OSGEP: variants seen among roughly 807,000 people sequenced by gnomAD.
OSGEP encodes the protein tRNA N6-adenosine threonylcarbamoyltransferase.
Under a neutral mutation model 44.1 loss-of-function variants are expected in OSGEP, and 39 were observed. The ratio of observed to expected loss-of-function variants is 0.88; its 90% confidence interval spans 0.69 to 1.16. The LOEUF (loss-of-function observed/expected upper bound fraction) is 1.16. Ranked by LOEUF, OSGEP falls within the 50% of genes most tolerant of loss-of-function variation. The pLI is 0.00. For missense variants in OSGEP, 403 were observed against 443.1 expected, an observed-to-expected ratio of 0.91 and a Z score of 0.81; for synonymous variants, 139 against 161.9, an observed-to-expected ratio of 0.86 and a Z score of 1.07.
chr14:20,452,089 A>C lies in OSGEP; in HGVS notation c.296T>G (p.Leu99Arg). 1 of 1,613,976 alleles carries C rather than the reference A, an allele frequency of 6.2e-7. No homozygotes were observed. Among genetic ancestry groups the C allele is most frequent in the Non-Finnish European group, 8.5e-7 (1 of 1,179,988 alleles). Residue 99 changes from leucine (L) to arginine (R), a missense_variant, in exon 3 of 11, where the codon CTG (leucine) becomes CGG (arginine). Physicochemically the swap from Leu to Arg is moderately radical, Grantham distance 102. Coordinates refer to ENST00000206542, the MANE Select transcript of OSGEP (RefSeq NM_017807.4). ...CACACCCACCAATGGCTTATTCCAC[A>C]GTTGGGCCACAGTACGGGCCACAAC... ...VAVVARTVAQLWNKPLVGVNH... is the reference protein window; with the variant it reads ...VAVVARTVAQRWNKPLVGVNH...
rs767990074 is a variant in OSGEP at position 20,447,932 on chromosome 14, C to T, written c.765G>A (p.Gln255=). The T allele has an allele frequency of 1.2e-6, 2 of 1,613,268 alleles. No individual in the cohort carries two copies. Among genetic ancestry groups the T allele is most frequent in the African/African-American group, 2.7e-5 (2 of 74,910 alleles). Reference sequence around the variant, plus strand: ...CCACTCCTCCCACAATGAGGGCCTCCTGGGAGCCACAATGTGCCATGGCTC... The same window carrying T: ...CCACTCCTCCCACAATGAGGGCCTCTTGGGAGCCACAATGTGCCATGGCTC... ...TERAMAHCGS[Q]EALIVGGVGC... is the part of the protein sequence containing the mutation. Residue 255 remains glutamine, a synonymous_variant, in exon 8 of 11, where the codon CAG becomes CAA. Coordinates refer to ENST00000206542, the MANE Select transcript of OSGEP (RefSeq NM_017807.4).
At chr14:20,448,681 T>C (rs1239567748) in intron 6 of OSGEP, 52 bp downstream of exon 6, 6 of 1,237,142 alleles carry the variant, frequency 4.8e-6, no homozygotes, top group Non-Finnish European at 7.2e-6. Context: ...AAAACAGATA[T>C]GCTTCATTTA....
At position 20,449,004 on chromosome 14, in the gene OSGEP, C is replaced by T. The variant is rs575185404; in HGVS notation, c.517G>A (p.Asp173Asn). 2.4e-5 allele frequency: 38 copies of T among 1,613,640 alleles called. No homozygotes were observed. Among genetic ancestry groups the T allele is most frequent in the Non-Finnish European group, 3.1e-5 (36 of 1,179,812 alleles). ...TCAATGTTGTATCCTGGACTTGGGT[C>T]GTTAGAAATCTAGCAGAAGAAAAAA... ...RFARVLKISNDPSPGYNIEQM... is the reference protein window; with the variant it reads ...RFARVLKISNNPSPGYNIEQM... Residue 173 changes from aspartate to asparagine, a missense_variant, in exon 5 of 11, where the codon GAC (aspartate) becomes AAC (asparagine). Transcript: ENST00000206542.
At chr14:20,449,289 T>C (rs775635138) in intron 3 of OSGEP, 23 bp from the exon 4 acceptor site, 11 of 1,379,784 alleles carry the variant, frequency 8.0e-6, no homozygotes, top group Non-Finnish European at 1.0e-5. Context: ...AGGAAGTCCA[T>C]GAAACCCCAA....
intron 4 of OSGEP, 41 bp from the exon 5 acceptor site, chr14:20,449,054 G>T: frequency 6.4e-7 from 1 of 1,551,976 alleles, no homozygotes; most frequent in Non-Finnish European, 8.9e-7. Context: ...AATGGAAGAG[G>T]ATGAAATCAG....
chr14:20,449,995 T>C (rs1199660970), intron 3 of OSGEP: 1 of 151,794 alleles, frequency 6.6e-6, no homozygotes, highest in Admixed American at 6.6e-5. Flanking sequence ...GTCAGACTAA[T>C]GGCCCAGCCA....
At position 20,452,350 on chromosome 14, in the gene OSGEP, C is replaced by G. The variant is rs1286788224; in HGVS notation, c.214G>C (p.Asp72His). ...TESGLTSQDI[D>H]CIAYTKGPGM... ...ATACCCTTGGTGTATGCAATGCAGT[C>G]GATATCCTGGGAGGTTAATCCAGAC... Residue 72 changes from aspartate (D) to histidine (H), a missense_variant, in exon 2 of 11, where the codon GAC becomes CAC. Transcript: ENST00000206542. 5 of 1,613,750 alleles carry G rather than the reference C, an allele frequency of 3.1e-6. No individual in the cohort carries two copies. The highest frequency in any genetic ancestry group is 4.2e-6 in the Non-Finnish European group (5 of 1,179,962).
rs758949005 is a variant in OSGEP, at chr14:20,447,506, T to C, written c.884A>G (p.Asn295Ser). 41 of 1,614,062 alleles carry C rather than the reference T, an allele frequency of 2.5e-5. No homozygotes were observed. The highest frequency in any genetic ancestry group is 3.4e-5 in the Non-Finnish European group (40 of 1,179,956). ...FATDERFCIDNGAMIAQAGWE... is the reference protein window; with the variant it reads ...FATDERFCIDSGAMIAQAGWE... Reference sequence around the variant, plus strand: ...GCCAGCCTGGGCTATCATCGCTCCATTGTCAATACAGAATCTGGGATGCAA... The same window carrying C: ...GCCAGCCTGGGCTATCATCGCTCCACTGTCAATACAGAATCTGGGATGCAA... Residue 295 changes from asparagine (N) to serine (S), a missense_variant, in exon 10 of 11, where the codon AAT (asparagine) becomes AGT (serine). Asn to Ser is a conservative substitution (Grantham distance 46, BLOSUM62 1). Transcript: ENST00000206542.
chr14:20,447,185 C>T lies in OSGEP; in HGVS notation c.*55G>A, dbSNP rs533328570. 98 of 1,471,492 alleles carry T rather than the reference C, an allele frequency of 6.7e-5. No individual in the cohort carries two copies. In the Middle Eastern group the frequency reaches 2.8e-3, roughly 42 times the overall value. The allele number at this position is 1,471,492 out of a possible 1,614,324, so 91.2% of individuals were successfully genotyped here. On this transcript the variant is annotated 3_prime_UTR_variant, in exon 11 of 11. Transcript: ENST00000206542. Reference sequence around the variant, plus strand: ...TGACATCAGGATAGAGATTGAGGCACGGGGTCCTTTGGGTTCCGATTAAGG... The same window carrying T: ...TGACATCAGGATAGAGATTGAGGCATGGGGTCCTTTGGGTTCCGATTAAGG...
intron 3 of OSGEP, chr14:20,450,670 ATCT>A: frequency 6.6e-6 from 1 of 152,336 alleles, no homozygotes; most frequent in East Asian, 1.9e-4. Flanking sequence ...CATGTGCCTC[ATCT>A]TCTCGACACA....
Position 20,448,813 on chromosome 14 carries a change from T to C in OSGEP, c.558-2A>G. On this transcript the variant is annotated splice_acceptor_variant, in intron 5 of 10. Coordinates refer to ENST00000206542, the MANE Select transcript of OSGEP (RefSeq NM_017807.4). LOFTEE classifies it high-confidence loss of function. ...GGCAGCTCAACTAGCTTCTTGCCTC[T>C]ATGTGGGAATAAGCGTACGAGGCAC... is the stretch of plus-strand genomic sequence containing the variant. The C allele has an allele frequency of 1.2e-6, 2 of 1,610,846 alleles. No homozygotes were observed. The highest frequency in any genetic ancestry group is 2.7e-5 in the African/African-American group (2 of 74,970).
In OSGEP at chr14:20,447,232, TG is replaced by T; in HGVS notation, c.*7del. 1 of 1,612,796 alleles carries T rather than the reference TG, an allele frequency of 6.2e-7. No individual in the cohort carries two copies. The highest frequency in any genetic ancestry group is 1.1e-5 in the South Asian group (1 of 91,050). On this transcript the variant is annotated 3_prime_UTR_variant, in exon 11 of 11. Coordinates refer to ENST00000206542, the MANE Select transcript of OSGEP (RefSeq NM_017807.4). ...AAGGAACTATCTACTCTGATTCTGTTGATCTTATTAGTCCCTCCAGGTCACC... is the reference window on the plus strand; with the variant it reads ...AAGGAACTATCTACTCTGATTCTGTTATCTTATTAGTCCCTCCAGGTCACC...
At chr14:20,447,865 T>C in intron 8 of OSGEP, 39 bp downstream of exon 8, 1 of 1,448,620 alleles carries the variant, frequency 6.9e-7, no homozygotes, top group Non-Finnish European at 9.7e-7. Flanking sequence ...CGCATAGTGT[T>C]AAGAATAGGA....
intron 1 of OSGEP, among the ~76,000 whole-genome samples, chr14:20,453,042 C>G (rs1052350918): frequency 1.3e-5 from 2 of 152,024 alleles, no homozygotes; most frequent in African/African-American, 4.8e-5. Flanking sequence ...CCCTACAGAA[C>G]TCTATGCATG....
intron 5 of OSGEP, 37 bp from the exon 6 acceptor site, chr14:20,448,848 A>G: frequency 8.2e-6 from 13 of 1,593,152 alleles, no homozygotes; most frequent in Non-Finnish European, 1.1e-5. Context: ...CTAAGCCTAC[A>G]GTCAGCTGGC....
intron 8 of OSGEP, 65 bp from the exon 9 acceptor site, chr14:20,447,755 C>A: frequency 2.2e-6 from 3 of 1,359,838 alleles, no homozygotes; most frequent in Admixed American, 3.5e-5. Context: ...CAGCAGAACA[C>A]GTCATGTGCA....
rs781356761 is a variant in OSGEP, at chr14:20,447,298, A to G, written c.969-19T>C. ...CCGATACCTGTGGAAAAACAGAAGA[A>G]ACATGGTGGAGAGCGAGCCCTTAAC... is the stretch of plus-strand genomic sequence containing the variant. On this transcript the variant is annotated intron_variant, in intron 10 of 10. Coordinates refer to ENST00000206542, the MANE Select transcript of OSGEP (RefSeq NM_017807.4). The G allele has an allele frequency of 3.0e-5, 48 of 1,613,954 alleles. No homozygotes were observed. The highest frequency in any genetic ancestry group is 3.9e-5 in the Non-Finnish European group (46 of 1,179,924).
intron 1 of OSGEP, among the ~76,000 whole-genome samples, chr14:20,453,227 T>G (rs541256152): frequency 6.6e-5 from 10 of 152,280 alleles, no homozygotes; most frequent in African/African-American, 2.4e-4. Flanking sequence ...TGAGTATCTG[T>G]CACAACATCA....
At chr14:20,449,700 G>A (rs920907598) in intron 3 of OSGEP, 4 of 204,782 alleles carry the variant, frequency 2.0e-5, no homozygotes, top group African/African-American at 7.0e-5. Context: ...GAGTGGAGTG[G>A]TGTGATCATA....
Sources: gnomAD v4.1 joint callset for allele counts (sites outside exome capture counted in the v4.1 genomes callset) on GRCh38, gnomAD v4.1.1 for gene constraint, MANE v1.5 for transcripts, NCBI Gene and HGNC (gene_info 2026-07-23, HGNC 2026-07-21) for gene names.